The following IL36G variants were observed in gnomAD, a reference collection of about 807,000 sequenced individuals.
IL36G encodes interleukin-36 gamma.
A neutral mutation model predicts 13.5 loss-of-function variants in IL36G; 10 were observed. That is an observed-to-expected ratio of 0.74 (90% CI 0.46 to 1.26). The LOEUF is 1.26. IL36G is among the 50% of genes most tolerant of loss of function. The probability of loss-of-function intolerance (pLI) is 0.00; values close to 1 mark genes in which losing one functional copy is unlikely to be tolerated. For synonymous variants in IL36G, 84 were observed against 74.0 expected, an observed-to-expected ratio of 1.13 and a Z score of -0.69; for missense variants, 199 against 203.0, an observed-to-expected ratio of 0.98 and a Z score of 0.12.
chr2:112,985,390 C>T lies in IL36G; in HGVS notation c.*341C>T, dbSNP rs771520038. The T allele has an allele frequency of 1.1e-5, 3 of 268,170 alleles. No individual in the cohort carries two copies. Among genetic ancestry groups the T allele is most frequent in the Non-Finnish European group, 2.2e-5 (3 of 139,290 alleles). 16.6% of individuals were successfully genotyped at this position (268,170 alleles called of 1,614,324 possible). On this transcript the variant is annotated 3_prime_UTR_variant, in exon 5 of 5. Coordinates refer to ENST00000259205, the MANE Select transcript of IL36G (RefSeq NM_019618.4). ...ATGAAGATGCTTCAGAGCTCATGCGCGTTACCCACGATGGCATGACTAGCA... is the reference window on the plus strand; with the variant it reads ...ATGAAGATGCTTCAGAGCTCATGCGTGTTACCCACGATGGCATGACTAGCA...
At chr2:112,981,830 C>A (rs1280213871) in intron 4 of IL36G, among the ~76,000 whole-genome samples, 1 of 152,170 alleles carries the variant, frequency 6.6e-6, no homozygotes, top group Non-Finnish European at 1.5e-5. Context: ...AAATTTCAAT[C>A]TTTACTCTTT....
chr2:112,980,721 CAG>C (rs1363715313), intron 4 of IL36G, among the ~76,000 whole-genome samples: 1 of 152,228 alleles, frequency 6.6e-6, no homozygotes, highest in East Asian at 1.9e-4. Context: ...CTGGAAAGTC[CAG>C]AGTGCCTGAC....
intron 4 of IL36G, among the ~76,000 whole-genome samples, 192 bp downstream of exon 4, chr2:112,980,340 C>CT (rs1038329479): frequency 5.7e-4 from 83 of 145,018 alleles, no homozygotes; most frequent in Middle Eastern, 3.6e-3. Context: ...CCTTGTTTTG[C>CT]TTTTTTTTTT....
rs757193540 is a variant in IL36G, at chr2:112,979,337, C to A, written c.160+12C>A. On this transcript the variant is annotated intron_variant, in intron 3 of 4. Transcript: ENST00000259205. ...CAGTGTGACCCCAGGTGAGTGGTCA[C>A]CCTGTGCCTTCCCCACTGTTTGCAC... 5.3e-6 allele frequency: 8 copies of A among 1,500,472 alleles called. No individual in the cohort carries two copies. In the South Asian group the frequency reaches 7.9e-5, roughly 15 times the overall value. The allele number at this position is 1,500,472 out of a possible 1,614,324, so 92.9% of individuals were successfully genotyped here.
At chr2:112,978,823 T>C in intron 2 of IL36G, 130 bp downstream of exon 2, 1 of 879,702 alleles carries the variant, frequency 1.1e-6, no homozygotes, top group Non-Finnish European at 1.8e-6. Flanking sequence ...GCTGCCCACC[T>C]ACCACTGGGC....
intron 3 of IL36G, among the ~76,000 whole-genome samples, chr2:112,979,633 C>T (rs1684228464): frequency 6.6e-6 from 1 of 152,126 alleles, no homozygotes; most frequent in African/African-American, 2.4e-5. Flanking sequence ...TGGGTGAATA[C>T]CACAGAAAGG....
intron 4 of IL36G, among the ~76,000 whole-genome samples, chr2:112,982,875 G>A (rs564617386): frequency 6.6e-6 from 1 of 152,336 alleles, no homozygotes; most frequent in African/African-American, 2.4e-5. Flanking sequence ...AGGGATCAGA[G>A]ACAGCAGATA....
intron 3 of IL36G, 106 bp from the exon 4 acceptor site, chr2:112,979,903 T>C (rs929133038): frequency 4.8e-5 from 53 of 1,096,070 alleles, no homozygotes; most frequent in Non-Finnish European, 6.9e-5. Flanking sequence ...GGGATTACAC[T>C]CTTCAGCTCT....
Position 112,978,605 on chromosome 2 carries a change from T to C in IL36G, c.-19-15T>C, listed in dbSNP as rs757717589. On this transcript the variant is annotated splice_polypyrimidine_tract_variant and intron_variant, in intron 1 of 4. Coordinates refer to ENST00000259205, the MANE Select transcript of IL36G (RefSeq NM_019618.4). ...CATCTCTTGTGGTTCATCTGTTCTA[T>C]GTCTGCTTTCACAGGTGCTGAGACA... 1.8e-5 allele frequency: 29 copies of C among 1,605,066 alleles called. No individual in the cohort carries two copies. The highest frequency in any genetic ancestry group is 2.4e-5 in the Non-Finnish European group (28 of 1,171,770).
rs2105014830 is a variant in IL36G at position 112,984,963 on chromosome 2, T to C, written c.424T>C (p.Ser142Pro). 1.9e-6 allele frequency: 3 copies of C among 1,614,022 alleles called. No individual in the cohort carries two copies. The East Asian group carries it at 6.7e-5, about 36-fold the overall frequency. The change falls in exon 5 of 5, where the codon TCC becomes CCC. Residue 142 changes from serine (S) to proline (P), a missense_variant. Physicochemically the swap from Ser to Pro is moderately conservative, Grantham distance 74. Transcript: ENST00000259205. ...GGCCTTCCCGGACTGGTTCATTGCC[T>C]CCTCCAAGAGAGACCAGCCCATCAT... ...SVAFPDWFIA[S>P]SKRDQPIILT...
Position 112,979,233 on chromosome 2 carries a change from T to C in IL36G, c.68T>C (p.Ile23Thr). 6.2e-7 allele frequency: 1 copy of C among 1,601,890 alleles called. No individual in the cohort carries two copies. The highest frequency in any genetic ancestry group is 8.6e-7 in the Non-Finnish European group (1 of 1,168,828). ...ATCCCAAAATCAGTGTGTAAACCTA[T>C]TACTGGGACTATTAATGATTTGAAT... is the stretch of plus-strand genomic sequence containing the variant. ...RAVYQSMCKP[I>T]TGTINDLNQQ... Residue 23 changes from isoleucine (I) to threonine (T), a missense_variant, in exon 3 of 5, where the codon ATT becomes ACT. Ile to Thr is a moderately conservative substitution (Grantham distance 89). Transcript: ENST00000259205.
At chr2:112,984,170 T>C (rs930677500) in intron 4 of IL36G, among the ~76,000 whole-genome samples, 8 of 152,380 alleles carry the variant, frequency 5.3e-5, no homozygotes, top group African/African-American at 1.7e-4. Context: ...TTACAGATCA[T>C]TTCTGTGTCT....
chr2:112,981,631 G>A (rs555973102), intron 4 of IL36G, among the ~76,000 whole-genome samples: 26 of 152,078 alleles, frequency 1.7e-4, no homozygotes, highest in Non-Finnish European at 2.6e-4. Flanking sequence ...TTCATCCATC[G>A]TTGGAAGTTA....
Position 112,981,106 on chromosome 2 carries a change from T to C in IL36G, c.300+958T>C, listed in dbSNP as rs202153492. ...CATTTTTATAAAACTTGATAAAAAA[T>C]AGTTTTTCAAACTGTACAGTCACCA... On this transcript the variant is annotated intron_variant, in intron 4 of 4. Transcript: ENST00000259205. The C allele has an allele frequency of 7.5e-6, 6 of 795,732 alleles. No homozygotes were observed. The East Asian group carries it at 1.5e-4, about 19-fold the overall frequency. 49.3% of individuals were successfully genotyped at this position (795,732 alleles called of 1,614,324 possible).
chr2:112,981,665 G>A (rs182598363), intron 4 of IL36G, among the ~76,000 whole-genome samples: 4 of 152,118 alleles, frequency 2.6e-5, no homozygotes, highest in Admixed American at 2.0e-4. Context: ...AATATCTCAC[G>A]ATATCTCATC....
chr2:112,979,384 A>G, intron 3 of IL36G, 59 bp downstream of exon 3: 2 of 1,011,754 alleles, frequency 2.0e-6, no homozygotes, highest in East Asian at 4.9e-5. Context: ...GGAAGCTGGC[A>G]TCAGCCTTTT....
At chr2:112,979,089 T>A in intron 2 of IL36G, 132 bp from the exon 3 acceptor site, 1 of 641,022 alleles carries the variant, frequency 1.6e-6, no homozygotes, top group Middle Eastern at 2.8e-4. Context: ...GTGATGTGAG[T>A]GCTGTCAGTT....
chr2:112,983,394 T>C (rs2105013783), intron 4 of IL36G, among the ~76,000 whole-genome samples: 1 of 152,320 alleles, frequency 6.6e-6, no homozygotes, highest in African/African-American at 2.4e-5. Context: ...TAAGTTTAGA[T>C]AGCAGTTGGT....
chr2:112,981,996 C>T (rs1343935230), intron 4 of IL36G, among the ~76,000 whole-genome samples: 1 of 152,152 alleles, frequency 6.6e-6, no homozygotes, highest in Non-Finnish European at 1.5e-5. Context: ...TGCGTAGATG[C>T]TTGAGATATA....
Sources: allele counts gnomAD v4.1 joint callset (sites outside exome capture counted in the v4.1 genomes callset), GRCh38; gene constraint gnomAD v4.1.1; transcripts MANE v1.5; gene names NCBI Gene and HGNC (gene_info 2026-07-23, HGNC 2026-07-21).